NYAP2: variants seen among roughly 807,000 people sequenced by gnomAD.
NYAP2 encodes the protein neuronal tyrosine-phosphorylated phosphoinositide-3-kinase adaptor 2, also known as neuronal tyrosine-phosphorylated phosphoinositide-3-kinase adapter 2.
NYAP2 carries 23 observed loss-of-function variants against 50.4 expected under a neutral mutation model. That is an observed-to-expected ratio of 0.46 (90% CI 0.33 to 0.65). NYAP2 has a LOEUF of 0.65. Among genes scored for constraint, NYAP2 ranks in the 30% least tolerant of loss-of-function variants. The pLI, the probability that NYAP2 is intolerant of heterozygous loss-of-function variation, is 0.02. For synonymous variants in NYAP2, 394 were observed against 365.2 expected (o/e 1.08, Z -0.90); for missense variants, 885 against 861.0 (o/e 1.03, Z -0.35).
At chr2:225,684,701 C>T in the NYAP2 span, among the ~76,000 whole-genome samples, 1 of 152,042 alleles carries the variant, frequency 6.6e-6, no homozygotes, top group Admixed American at 6.6e-5. Flanking sequence ...CAGGCACCTG[C>T]CATCATGCCC....
chr2:225,524,448 C>G (rs34125588), intron 4 of NYAP2, among the ~76,000 whole-genome samples: 2,730 of 152,260 alleles, frequency 0.018, 42 homozygotes, highest in Non-Finnish European at 0.025. Flanking sequence ...CTTTCCCAGT[C>G]CACTGACTCA....
intron 3 of NYAP2, among the ~76,000 whole-genome samples, chr2:225,419,179 G>A (rs1695174096): frequency 6.6e-6 from 1 of 152,188 alleles, no homozygotes; most frequent in Admixed American, 6.5e-5. Context: ...GGGCAGAGAT[G>A]ACAGTCACAA....
At chr2:225,601,348 T>C (rs779898251) in intron 5 of NYAP2, among the ~76,000 whole-genome samples, 10 of 152,184 alleles carry the variant, frequency 6.6e-5, no homozygotes, top group East Asian at 1.9e-4. Context: ...CTCGATCTCT[T>C]GACCTTGGGT....
At chr2:225,701,879 G>A in the NYAP2 span, 2 of 151,644 alleles carry the variant, frequency 1.3e-5, no homozygotes, top group African/African-American at 4.8e-5. Context: ...TTGTTGGTAG[G>A]TCTTGCCTAT....
intron 3 of NYAP2, among the ~76,000 whole-genome samples, chr2:225,411,083 G>A (rs189001892): frequency 1.6e-3 from 237 of 152,262 alleles, no homozygotes; most frequent in African/African-American, 5.6e-3. Flanking sequence ...CCCATAAGCA[G>A]AAGATAAAAT....
At chr2:225,587,576 G>T (rs532767856) in intron 5 of NYAP2, among the ~76,000 whole-genome samples, 1 of 152,248 alleles carries the variant, frequency 6.6e-6, no homozygotes. Context: ...CTTCCTCATG[G>T]TATCCTCTGA....
chr2:225,676,836 G>A, the NYAP2 span, among the ~76,000 whole-genome samples: 1 of 152,142 alleles, frequency 6.6e-6, no homozygotes. Flanking sequence ...TTGAAGTCAG[G>A]CAATGTGATA....
intron 3 of NYAP2, among the ~76,000 whole-genome samples, chr2:225,499,754 A>C (rs1690572201): frequency 2.6e-5 from 4 of 152,208 alleles, no homozygotes; most frequent in Admixed American, 2.6e-4. Context: ...CCTGGCAGCT[A>C]ACAATGTATT....
rs1395478701 is a variant in NYAP2, at chr2:225,622,170, C to T, written c.1619-4747C>T. Among the ~76,000 whole-genome samples the T allele has an allele frequency of 2.0e-5, 3 of 152,144 alleles. No homozygotes were observed. In the East Asian group the frequency reaches 5.8e-4, roughly 29 times the overall value. Reference sequence around the variant, plus strand: ...ACTCCAGCTTCCCAAGTAGCTGGGACTACAAGCTTGCACCACCATGCCCAG... The same window carrying T: ...ACTCCAGCTTCCCAAGTAGCTGGGATTACAAGCTTGCACCACCATGCCCAG... On this transcript the variant is annotated intron_variant, in intron 5 of 6. Coordinates refer to ENST00000636099, the Ensembl canonical transcript of NYAP2.
At chr2:225,447,566 G>T (rs758192319) in intron 3 of NYAP2, among the ~76,000 whole-genome samples, 2 of 151,968 alleles carry the variant, frequency 1.3e-5, no homozygotes, top group Non-Finnish European at 2.9e-5. Flanking sequence ...ATATAAATAA[G>T]AATAATGTTG....
At chr2:225,522,565 C>T (rs1691084108) in intron 4 of NYAP2, among the ~76,000 whole-genome samples, 1 of 152,118 alleles carries the variant, frequency 6.6e-6, no homozygotes, top group South Asian at 2.1e-4. Flanking sequence ...AAGAATTACC[C>T]AAAAAAGTAA....
chr2:225,490,459 A>C (rs1690384788), intron 3 of NYAP2, among the ~76,000 whole-genome samples: 1 of 152,220 alleles, frequency 6.6e-6, no homozygotes, highest in Non-Finnish European at 1.5e-5. Flanking sequence ...GTAAAGAGAA[A>C]GACCAGCTTT....
At chr2:225,517,642 G>A (rs975416542) in intron 4 of NYAP2, among the ~76,000 whole-genome samples, 1 of 152,126 alleles carries the variant, frequency 6.6e-6, no homozygotes, top group Non-Finnish European at 1.5e-5. Flanking sequence ...GATTGTGCAT[G>A]GTACAAAGAA....
At chr2:225,557,426 G>A (rs1190460655) in intron 4 of NYAP2, among the ~76,000 whole-genome samples, 1 of 151,570 alleles carries the variant, frequency 6.6e-6, no homozygotes, top group Non-Finnish European at 1.5e-5. Context: ...ATGTATGCAT[G>A]TTTGTATGTA....
chr2:225,543,803 G>A (rs778168910), intron 4 of NYAP2, among the ~76,000 whole-genome samples: 7 of 151,908 alleles, frequency 4.6e-5, no homozygotes, highest in Non-Finnish European at 7.4e-5. Flanking sequence ...GATTAAGTCC[G>A]ATGTTTGTTG....
the NYAP2 span, among the ~76,000 whole-genome samples, chr2:225,693,328 G>GTTTC: frequency 6.6e-6 from 1 of 151,982 alleles, no homozygotes; most frequent in African/African-American, 2.4e-5. Context: ...TTCTCTAGTG[G>GTTTC]TTTCTCATGA....
intron 3 of NYAP2, among the ~76,000 whole-genome samples, chr2:225,510,032 A>G (rs555023156): frequency 9.8e-5 from 15 of 152,348 alleles, no homozygotes; most frequent in Admixed American, 1.3e-4. Context: ...GGAGAGACAT[A>G]TAAGTTAGTT....
chr2:225,622,091 G>C (rs1055837989), intron 5 of NYAP2, among the ~76,000 whole-genome samples: 1 of 152,136 alleles, frequency 6.6e-6, no homozygotes, highest in Non-Finnish European at 1.5e-5. Flanking sequence ...GATTGCAGTG[G>C]CACAATCTCA....
chr2:225,665,921 A>ATCCCACT, the NYAP2 span, among the ~76,000 whole-genome samples: 256 of 143,832 alleles, frequency 1.8e-3, no homozygotes, highest in African/African-American at 6.5e-3. Flanking sequence ...TTTCCTTCTT[A>ATCCCACT]TCCCACTCCC....
Sources: allele counts gnomAD v4.1 joint callset (sites outside exome capture counted in the v4.1 genomes callset), GRCh38; gene constraint gnomAD v4.1.1; transcripts MANE v1.5; gene names NCBI Gene and HGNC (gene_info 2026-07-23, HGNC 2026-07-21).